Variants in TRIM55 observed in about 807,000 individuals in gnomAD.
The protein encoded by TRIM55 is tripartite motif containing 55.
Under a neutral mutation model 60.9 loss-of-function variants are expected in TRIM55, and 50 were observed. The ratio of observed to expected loss-of-function variants is 0.82; its 90% CI spans 0.65 to 1.04. The LOEUF is 1.04. Ranked by LOEUF, TRIM55 falls within the 50% of genes least tolerant of loss-of-function variation. The pLI is 0.00. For missense variants in TRIM55, 681 were observed against 666.9 expected (o/e 1.02, Z -0.23); for synonymous variants, 237 against 238.1 (o/e 1.00, Z 0.04).
At chr8:66,143,514 A>G (rs1809938602) in intron 4 of TRIM55, among the ~76,000 whole-genome samples, 1 of 151,746 alleles carries the variant, frequency 6.6e-6, no homozygotes, top group African/African-American at 2.4e-5. Flanking sequence ...CATACTAACA[A>G]CTGTCCTGAG....
the TRIM55 span, chr8:66,114,446 T>C: frequency 0.059 from 26,057 of 439,868 alleles, 1,430 homozygotes; most frequent in African/African-American, 0.2. Flanking sequence ...CCCATTTAAT[T>C]GGGGGGAAAT....
chr8:66,128,292 T>G lies in TRIM55; in HGVS notation c.169-12T>G. 1 of 1,561,424 alleles carries G rather than the reference T, an allele frequency of 6.4e-7. No individual in the cohort carries two copies. ...ATTACCCAATTCCTTTTTTCTTACT[T>G]GGCAAGAACAGGCCTCTAACCCGTA... On this transcript the variant is annotated splice_polypyrimidine_tract_variant and intron_variant, in intron 1 of 9. Transcript: ENST00000315962.
intron 8 of TRIM55, among the ~76,000 whole-genome samples, chr8:66,152,873 C>T (rs1045807023): frequency 6.6e-6 from 1 of 151,476 alleles, no homozygotes; most frequent in African/African-American, 2.4e-5. Context: ...CAGTAATGCC[C>T]TCAAATCAAA....
intron 4 of TRIM55, among the ~76,000 whole-genome samples, chr8:66,144,127 T>C (rs921638485): frequency 6.6e-6 from 1 of 152,224 alleles, no homozygotes; most frequent in East Asian, 1.9e-4. Context: ...ATTTCCATGA[T>C]GGCAACAGTT....
chr8:66,136,763 C>T (rs932583845), intron 3 of TRIM55, among the ~76,000 whole-genome samples: 2 of 152,130 alleles, frequency 1.3e-5, no homozygotes, highest in African/African-American at 4.8e-5. Flanking sequence ...AAAATTGACC[C>T]TTAGTTCCAC....
chr8:66,116,480 A>G, the TRIM55 span, among the ~76,000 whole-genome samples: 32 of 151,804 alleles, frequency 2.1e-4, no homozygotes, highest in Middle Eastern at 3.4e-3. Context: ...GGTGGCGTGT[A>G]CCTGTGATCC....
intron 9 of TRIM55, among the ~76,000 whole-genome samples, chr8:66,156,043 T>C (rs997544393): frequency 1.3e-5 from 2 of 152,292 alleles, no homozygotes; most frequent in Middle Eastern, 3.4e-3. Flanking sequence ...GTGTCCATAA[T>C]GCGGTGAGGA....
rs769201552 is a variant in TRIM55 at position 66,135,021 on chromosome 8, G to A, written c.373G>A (p.Glu125Lys). 19 of 1,614,206 alleles carry A rather than the reference G, an allele frequency of 1.2e-5. No homozygotes were observed. Among genetic ancestry groups the A allele is most frequent in the Admixed American group, 6.7e-5 (4 of 60,022 alleles). ...PEKKSDQPMC[E>K]EHEEERINIY... ...AAAGAAATCCGACCAGCCCATGTGCGAGGAACATGAAGAGGAGCGCATCAA... is the reference window on the plus strand; with the variant it reads ...AAAGAAATCCGACCAGCCCATGTGCAAGGAACATGAAGAGGAGCGCATCAA... Residue 125 changes from glutamate to lysine, a missense_variant, in exon 3 of 10, where the codon GAG becomes AAG. Transcript: ENST00000315962.
At chr8:66,133,793 A>G (rs1037335571) in intron 2 of TRIM55, among the ~76,000 whole-genome samples, 16 of 152,232 alleles carry the variant, frequency 1.1e-4, no homozygotes. Context: ...GTCTGCAGCT[A>G]CAAGATACCA....
chr8:66,143,769 T>G (rs2128977761), intron 4 of TRIM55, among the ~76,000 whole-genome samples: 1 of 152,344 alleles, frequency 6.6e-6, no homozygotes, highest in South Asian at 2.1e-4. Context: ...TTGTGTGCCA[T>G]GTTCTGTACA....
intron 4 of TRIM55, among the ~76,000 whole-genome samples, chr8:66,137,665 C>T (rs1315808106): frequency 6.6e-6 from 1 of 151,266 alleles, no homozygotes; most frequent in Non-Finnish European, 1.5e-5. Flanking sequence ...GAGAATGGCT[C>T]AGTGGCTGGG....
intron 4 of TRIM55, among the ~76,000 whole-genome samples, chr8:66,144,186 G>T (rs1809979702): frequency 6.6e-6 from 1 of 152,088 alleles, no homozygotes; most frequent in Admixed American, 6.5e-5. Context: ...CACTTCTAAG[G>T]AAACAACCAA....
intron 9 of TRIM55, among the ~76,000 whole-genome samples, chr8:66,170,475 T>C (rs1384387358): frequency 6.6e-6 from 1 of 152,214 alleles, no homozygotes; most frequent in African/African-American, 2.4e-5. Context: ...GACATGTATG[T>C]ATGCATGACA....
rs915505395 is a variant in TRIM55 at position 66,149,521 on chromosome 8, C to G, written c.604-124C>G. 3 of 761,558 alleles carry G rather than the reference C, an allele frequency of 3.9e-6. No individual in the cohort carries two copies. In the African/African-American group the frequency reaches 5.3e-5, roughly 13 times the overall value. 47.2% of individuals were successfully genotyped at this position (761,558 alleles called of 1,614,324 possible). A position where few individuals can be genotyped will look rare whatever the true frequency, so the allele number is the denominator to read the frequency against. Reference sequence around the variant, plus strand: ...TGGGTATCCATACCTAAATAGACATCTTCAGGGAAAAGAAAAAAATATCCT... The same window carrying G: ...TGGGTATCCATACCTAAATAGACATGTTCAGGGAAAAGAAAAAAATATCCT... On this transcript the variant is annotated intron_variant, in intron 4 of 9. Coordinates refer to ENST00000315962, the MANE Select transcript of TRIM55 (RefSeq NM_184085.2).
Position 66,128,369 on chromosome 8 carries a change from C to A in TRIM55, c.234C>A (p.Cys78Ter), listed in dbSNP as rs1808946823. 1 of 1,613,652 alleles carries A rather than the reference C, an allele frequency of 6.2e-7. No individual in the cohort carries two copies. The highest frequency in any genetic ancestry group is 1.3e-5 in the African/African-American group (1 of 75,018). ...TTMASGGRFR[C>*]PSCRHEVVLD... ...TGGCATCAGGGGGCCGATTCCGCTGCCCATCCTGTAGACATGAAGTGGTTT... is the reference window on the plus strand; with the variant it reads ...TGGCATCAGGGGGCCGATTCCGCTGACCATCCTGTAGACATGAAGTGGTTT... The change falls in exon 2 of 10, where the codon TGC becomes TGA. Residue 78 changes from cysteine (C) to a stop codon, truncating the protein, a stop_gained. Transcript: ENST00000315962. LOFTEE classifies it high-confidence loss of function.
the TRIM55 span, among the ~76,000 whole-genome samples, chr8:66,121,271 C>T: frequency 6.6e-6 from 1 of 152,156 alleles, no homozygotes; most frequent in Non-Finnish European, 1.5e-5. Context: ...TAACATACTC[C>T]AGCCCCAGGC....
At chr8:66,158,196 C>T in intron 9 of TRIM55, among the ~76,000 whole-genome samples, 1 of 134,742 alleles carries the variant, frequency 7.4e-6, no homozygotes, top group Non-Finnish European at 1.6e-5. Context: ...CACACACACA[C>T]ACACACTGCA....
chr8:66,153,620 A>G (rs1810562862), intron 8 of TRIM55, among the ~76,000 whole-genome samples: 1 of 152,158 alleles, frequency 6.6e-6, no homozygotes, highest in Non-Finnish European at 1.5e-5. Flanking sequence ...AAAGAGGTAT[A>G]GTAACTAAGT....
At chr8:66,145,660 G>T (rs542133072) in intron 4 of TRIM55, among the ~76,000 whole-genome samples, 5 of 148,726 alleles carry the variant, frequency 3.4e-5, no homozygotes, top group East Asian at 3.9e-4. Context: ...TTTGGGTTTT[G>T]TTTTTTTTTT....
Sources: gnomAD v4.1 joint callset for allele counts (sites outside exome capture counted in the v4.1 genomes callset) on GRCh38, gnomAD v4.1.1 for gene constraint, MANE v1.5 for transcripts, NCBI Gene and HGNC (gene_info 2026-07-23, HGNC 2026-07-21) for gene names.